SLC9A4: variants seen among roughly 807,000 people sequenced by gnomAD.
The protein encoded by SLC9A4 is solute carrier family 9 member A4.
A neutral mutation model predicts 67.4 loss-of-function variants in SLC9A4; 63 were observed. The observed-to-expected ratio is 0.93, with a 90% confidence interval of 0.76 to 1.15. The LOEUF is 1.15. Ranked by LOEUF, SLC9A4 falls within the 50% of genes most tolerant of loss-of-function variation. SLC9A4 has a pLI of 0.00. For synonymous variants in SLC9A4, 393 were observed against 367.2 expected, an observed-to-expected ratio of 1.07 and a Z score of -0.80; for missense variants, 1,089 against 987.7, an observed-to-expected ratio of 1.10 and a Z score of -1.38.
At chr2:102,512,416 T>A in intron 7 of SLC9A4, 143 bp downstream of exon 7, 2 of 761,612 alleles carry the variant, frequency 2.6e-6, no homozygotes. Flanking sequence ...GTGGTTGAAA[T>A]TCCAGGGCAT....
intron 5 of SLC9A4, 36 bp downstream of exon 5, chr2:102,508,317 T>G: frequency 6.6e-7 from 1 of 1,523,316 alleles, no homozygotes; most frequent in Middle Eastern, 2.2e-4. Context: ...ATAAATAGGT[T>G]ATTTCAGGAC....
intron 2 of SLC9A4, among the ~76,000 whole-genome samples, chr2:102,503,103 A>G (rs1468077492): frequency 2.0e-5 from 3 of 152,214 alleles, no homozygotes; most frequent in Non-Finnish European, 2.9e-5. Context: ...CACTTTAAGG[A>G]AAAATTGCTT....
chr2:102,512,229 C>T lies in SLC9A4; in HGVS notation c.1515C>T (p.Ile505=), dbSNP rs183969730. 1.2e-6 allele frequency: 2 copies of T among 1,613,954 alleles called. No individual in the cohort carries two copies. Among genetic ancestry groups the T allele is most frequent in the African/African-American group, 1.3e-5 (1 of 74,992 alleles). ...IRLMDHLKAG[I]EDVCGHWSHY... is the part of the protein sequence containing the mutation. ...TGATGGATCACTTAAAGGCTGGAAT[C>T]GAAGATGTGTGTGGGCACTGGAGTC... Residue 505 remains isoleucine (I), a synonymous_variant, in exon 7 of 12, where the codon ATC becomes ATT. Coordinates refer to ENST00000295269, the MANE Select transcript of SLC9A4 (RefSeq NM_001011552.4).
intron 2 of SLC9A4, among the ~76,000 whole-genome samples, chr2:102,488,271 C>T (rs1684628437): frequency 6.6e-6 from 1 of 152,114 alleles, no homozygotes; most frequent in Non-Finnish European, 1.5e-5. Flanking sequence ...ACGTGAAAAA[C>T]CCCATGAGTT....
At chr2:102,509,876 T>C (rs1051777562) in intron 6 of SLC9A4, among the ~76,000 whole-genome samples, 1 of 152,210 alleles carries the variant, frequency 6.6e-6, no homozygotes, top group East Asian at 1.9e-4. Flanking sequence ...AAAGGAGTCA[T>C]CGATACTAAG....
chr2:102,491,566 C>A (rs552187892), intron 2 of SLC9A4, among the ~76,000 whole-genome samples: 2 of 152,050 alleles, frequency 1.3e-5, no homozygotes, highest in Admixed American at 1.3e-4. Flanking sequence ...TTCATTATCA[C>A]GAGAACAGCA....
At chr2:102,514,517 G>GA (rs1685235288) in intron 8 of SLC9A4, among the ~76,000 whole-genome samples, 1 of 152,154 alleles carries the variant, frequency 6.6e-6, no homozygotes, top group Non-Finnish European at 1.5e-5. Flanking sequence ...AAGGGCAAGC[G>GA]AATGTGTAGA....
intron 2 of SLC9A4, among the ~76,000 whole-genome samples, chr2:102,492,139 C>G (rs909883643): frequency 2.0e-5 from 3 of 152,232 alleles, no homozygotes; most frequent in Non-Finnish European, 2.9e-5. Flanking sequence ...TCCCCCACCA[C>G]CCCAGCTGCT....
intron 9 of SLC9A4, 95 bp downstream of exon 9, chr2:102,520,050 C>A: frequency 3.1e-6 from 3 of 981,190 alleles, no homozygotes; most frequent in Non-Finnish European, 3.1e-6. Flanking sequence ...CTGATGTTCA[C>A]GTCACCCTCT....
chr2:102,481,848 T>C (rs1684471099), intron 2 of SLC9A4, among the ~76,000 whole-genome samples: 1 of 152,194 alleles, frequency 6.6e-6, no homozygotes, highest in African/African-American at 2.4e-5. Flanking sequence ...ATTCTGTTTT[T>C]AATTTTTTTC....
intron 8 of SLC9A4, among the ~76,000 whole-genome samples, chr2:102,514,516 C>T (rs903915454): frequency 3.3e-4 from 50 of 152,116 alleles, no homozygotes; most frequent in African/African-American, 9.9e-4. Context: ...GAAGGGCAAG[C>T]GAATGTGTAG....
In SLC9A4 at chr2:102,514,779, A is replaced by G. The variant is rs185566242; in HGVS notation, c.1721+528A>G. Among the ~76,000 whole-genome samples, 120 of 152,322 alleles carry G rather than the reference A, an allele frequency of 7.9e-4. No homozygotes were observed. The Middle Eastern group carries it at 0.01, about 13-fold the overall frequency. On this transcript the variant is annotated intron_variant, in intron 8 of 11. Coordinates refer to ENST00000295269, the MANE Select transcript of SLC9A4 (RefSeq NM_001011552.4). ...AATTGCATCTAAGGCGAAGGTCTAC[A>G]TGAGATTGTGAAATTTGTCTTGAGT...
chr2:102,522,836 C>CT (rs1674553277), intron 9 of SLC9A4, among the ~76,000 whole-genome samples: 1 of 152,184 alleles, frequency 6.6e-6, no homozygotes, highest in East Asian at 1.9e-4. Flanking sequence ...CAAAATTCAA[C>CT]TTCTTGGGGC....
chr2:102,489,991 G>A (rs1684663091), intron 2 of SLC9A4, among the ~76,000 whole-genome samples: 1 of 152,060 alleles, frequency 6.6e-6, no homozygotes, highest in Non-Finnish European at 1.5e-5. Context: ...TTTTGAGTCA[G>A]GTTGTTTACT....
chr2:102,490,821 A>C (rs2871473), intron 2 of SLC9A4, among the ~76,000 whole-genome samples: 38,164 of 152,128 alleles, frequency 0.25, 5,638 homozygotes, highest in African/African-American at 0.41. Flanking sequence ...CTAAATAGCC[A>C]AAAACAACAA....
At chr2:102,503,375 C>A in intron 2 of SLC9A4, 73 bp from the exon 3 acceptor site, 1 of 1,353,118 alleles carries the variant, frequency 7.4e-7, no homozygotes. Flanking sequence ...AGACACAAAG[C>A]TGAGAATGTG....
At chr2:102,508,015 C>T (rs1685083672) in intron 4 of SLC9A4, 64 bp from the exon 5 acceptor site, 1 of 1,522,058 alleles carries the variant, frequency 6.6e-7, no homozygotes, top group Non-Finnish European at 9.1e-7. Context: ...AACCTCAGTT[C>T]ACTAGCTCTG....
At chr2:102,488,375 G>T (rs1300755651) in intron 2 of SLC9A4, among the ~76,000 whole-genome samples, 1 of 152,014 alleles carries the variant, frequency 6.6e-6, no homozygotes, top group African/African-American at 2.4e-5. Flanking sequence ...CTGTTACACA[G>T]GCCTGGATGG....
At chr2:102,495,891 G>T (rs970865928) in intron 2 of SLC9A4, among the ~76,000 whole-genome samples, 2 of 151,958 alleles carry the variant, frequency 1.3e-5, no homozygotes, top group African/African-American at 4.8e-5. Context: ...AATGGAAAAG[G>T]TATAATTATA....
Sources: allele counts gnomAD v4.1 joint callset (sites outside exome capture counted in the v4.1 genomes callset), GRCh38; gene constraint gnomAD v4.1.1; transcripts MANE v1.5; gene names NCBI Gene and HGNC (gene_info 2026-07-23, HGNC 2026-07-21).